AKAP6: variants seen among roughly 807,000 people sequenced by gnomAD.
AKAP6 encodes A-kinase anchor protein 6.
AKAP6 carries 58 observed loss-of-function variants against 188.5 expected under a neutral mutation model. That is an observed-to-expected ratio of 0.31 (90% confidence interval 0.25 to 0.38). AKAP6 has a LOEUF of 0.38. AKAP6 is among the 10% of genes least tolerant of loss of function. The probability of loss-of-function intolerance (pLI) is 1.00; values close to 1 mark genes in which losing one functional copy is unlikely to be tolerated. For missense variants in AKAP6, 2,710 were observed against 2,740.0 expected, an observed-to-expected ratio of 0.99 and a Z score of 0.24; for synonymous variants, 989 against 998.6, an observed-to-expected ratio of 0.99 and a Z score of 0.18.
intron 4 of AKAP6, among the ~76,000 whole-genome samples, chr14:32,574,733 T>C (rs1884646867): frequency 6.6e-6 from 1 of 152,196 alleles, no homozygotes; most frequent in Non-Finnish European, 1.5e-5. Context: ...CTAAATACAA[T>C]AGTAAAAACT....
Position 32,667,427 on chromosome 14 carries a change from G to A in AKAP6, c.2731-10884G>A, listed in dbSNP as rs1343016333. Among the ~76,000 whole-genome samples, 9 of 151,976 alleles carry A rather than the reference G, an allele frequency of 5.9e-5. 1 individual carries two copies. Among genetic ancestry groups the A allele is most frequent in the Non-Finnish European group, 1.3e-4 (9 of 67,956 alleles). On this transcript the variant is annotated intron_variant, in intron 7 of 13. Transcript: ENST00000280979. ...ATGCCACCTGAGACATCTTGTTCAG[G>A]AACTTTCTGGAGGGTAGTAAATTGG... is the stretch of plus-strand genomic sequence containing the variant.
At position 32,678,463 on chromosome 14, in the gene AKAP6, G is replaced by A; in HGVS notation, c.2879+4G>A. On this transcript the variant is annotated splice_donor_region_variant and intron_variant, in intron 8 of 13. Coordinates refer to ENST00000280979, the MANE Select transcript of AKAP6 (RefSeq NM_004274.5). ...TTCATTCAGTGGGAAGCAATGGGTA[G>A]GGAACTATTCTTTTTGTTGTTTTAT... The A allele has an allele frequency of 6.2e-7, 1 of 1,613,700 alleles. No homozygotes were observed. The highest frequency in any genetic ancestry group is 8.5e-7 in the Non-Finnish European group (1 of 1,179,762).
intron 7 of AKAP6, among the ~76,000 whole-genome samples, chr14:32,659,363 G>C (rs1044949919): frequency 6.6e-6 from 1 of 151,978 alleles, no homozygotes; most frequent in Non-Finnish European, 1.5e-5. Context: ...TCCTCTTTTG[G>C]TCCTAGATTT....
chr14:32,600,854 A>G (rs2139351530), intron 7 of AKAP6, 62 bp downstream of exon 7: 3 of 1,479,550 alleles, frequency 2.0e-6, no homozygotes, highest in East Asian at 4.8e-5. Context: ...ACTAGGCACC[A>G]CTGAAGTTTT....
chr14:32,367,143 G>A (rs1887861926), intron 1 of AKAP6, among the ~76,000 whole-genome samples: 1 of 152,278 alleles, frequency 6.6e-6, no homozygotes, highest in South Asian at 2.1e-4. Flanking sequence ...GAATGAAAGA[G>A]TCCCACCCAC....
chr14:32,606,039 C>A (rs959767563), intron 7 of AKAP6, among the ~76,000 whole-genome samples: 2 of 152,126 alleles, frequency 1.3e-5, no homozygotes, highest in Admixed American at 6.6e-5. Context: ...TAGGACTCAG[C>A]AGCATACCTT....
chr14:32,359,310 G>C (rs1050180900), intron 1 of AKAP6, among the ~76,000 whole-genome samples: 3 of 151,784 alleles, frequency 2.0e-5, no homozygotes, highest in Non-Finnish European at 4.4e-5. Context: ...AGAAAAACAT[G>C]CTCAATTTAA....
chr14:32,629,402 G>A (rs1253661612), intron 7 of AKAP6, among the ~76,000 whole-genome samples: 1 of 137,352 alleles, frequency 7.3e-6, no homozygotes, highest in Non-Finnish European at 1.5e-5. Context: ...TTGCTGAAGT[G>A]CGAGTTTCTC....
chr14:32,346,623 C>G (rs1016396169), intron 1 of AKAP6, among the ~76,000 whole-genome samples: 1 of 152,246 alleles, frequency 6.6e-6, no homozygotes, highest in Non-Finnish European at 1.5e-5. Context: ...ATTCTCCTGC[C>G]TCAGCCTCCC....
intron 2 of AKAP6, among the ~76,000 whole-genome samples, chr14:32,460,405 G>A (rs148778788): frequency 2.0e-5 from 3 of 152,304 alleles, no homozygotes; most frequent in Non-Finnish European, 2.9e-5. Context: ...ACTGGGGCTG[G>A]TTAGGTAGTG....
intron 7 of AKAP6, among the ~76,000 whole-genome samples, chr14:32,612,693 G>A (rs1447237488): frequency 6.6e-6 from 1 of 152,088 alleles, no homozygotes; most frequent in Admixed American, 6.6e-5. Flanking sequence ...CTTCCTTGAG[G>A]CAGGTCTAGT....
chr14:32,500,068 G>A (rs1027122611), intron 2 of AKAP6, among the ~76,000 whole-genome samples: 5 of 152,048 alleles, frequency 3.3e-5, no homozygotes, highest in African/African-American at 1.2e-4. Flanking sequence ...CTCAGATTTT[G>A]ATTCTTTTTT....
At chr14:32,672,912 T>G (rs1889272492) in intron 7 of AKAP6, among the ~76,000 whole-genome samples, 1 of 152,160 alleles carries the variant, frequency 6.6e-6, no homozygotes, top group Non-Finnish European at 1.5e-5. Flanking sequence ...AAAAGAGAGA[T>G]AGAGGAAGAT....
At position 32,824,268 on chromosome 14, in the gene AKAP6, T is replaced by C. The variant is rs377177055; in HGVS notation, c.6455T>C (p.Ile2152Thr). Residue 2152 changes from isoleucine (I) to threonine (T), a missense_variant, in exon 13 of 14, where the codon ATT (isoleucine) becomes ACT (threonine). Ile to Thr is a moderately conservative substitution (Grantham distance 89). Transcript: ENST00000280979. ...TDSGLDDKED[I>T]ECFFEACVEG... is the part of the protein sequence containing the mutation. ...TCGGGCTTAGATGACAAGGAAGATATTGAATGCTTTTTTGAGGCCTGTGTT... is the reference window on the plus strand; with the variant it reads ...TCGGGCTTAGATGACAAGGAAGATACTGAATGCTTTTTTGAGGCCTGTGTT... 11 of 1,613,788 alleles carry C rather than the reference T, an allele frequency of 6.8e-6. No individual in the cohort carries two copies. The African/African-American group carries it at 9.3e-5, about 14-fold the overall frequency.
intron 12 of AKAP6, among the ~76,000 whole-genome samples, 161 bp from the exon 13 acceptor site, chr14:32,821,241 T>A (rs146641797): frequency 1.1e-4 from 17 of 152,320 alleles, no homozygotes; most frequent in African/African-American, 3.8e-4. Context: ...AATTTCTGGG[T>A]GTTATTTCAG....
intron 5 of AKAP6, among the ~76,000 whole-genome samples, chr14:32,587,088 G>A (rs1230219897): frequency 1.3e-5 from 2 of 152,148 alleles, no homozygotes; most frequent in Non-Finnish European, 2.9e-5. Context: ...GTTACAGATG[G>A]CATCTTACTG....
rs10138956 is a variant in AKAP6, at chr14:32,517,478, G to A, written c.325-18076G>A. Among the ~76,000 whole-genome samples, 1,378 of 152,112 alleles carry A rather than the reference G, an allele frequency of 9.1e-3. 20 individuals carry two copies. The highest frequency in any genetic ancestry group is 0.029 in the African/African-American group (1,207 of 41,534). On this transcript the variant is annotated intron_variant, in intron 2 of 13. Coordinates refer to ENST00000280979, the MANE Select transcript of AKAP6 (RefSeq NM_004274.5). ...TATGGAGTGTGAGCCAAAGCAGGGCGGGGCATCACCTCACCCTAATAGCTG... is the reference window on the plus strand; with the variant it reads ...TATGGAGTGTGAGCCAAAGCAGGGCAGGGCATCACCTCACCCTAATAGCTG...
intron 12 of AKAP6, among the ~76,000 whole-genome samples, chr14:32,819,109 C>A (rs2034457281): frequency 6.6e-6 from 1 of 152,110 alleles, no homozygotes; most frequent in African/African-American, 2.4e-5. Context: ...TGAATGTACT[C>A]CGTACCTAAG....
At position 32,485,738 on chromosome 14, in the gene AKAP6, C is replaced by T. The variant is rs186829637; in HGVS notation, c.325-49816C>T. Reference sequence around the variant, plus strand: ...AGCCCTTTGTCAGATGGATAGATTGCAAAATTTTTCTCCCATTCTGTAGGT... The same window carrying T: ...AGCCCTTTGTCAGATGGATAGATTGTAAAATTTTTCTCCCATTCTGTAGGT... On this transcript the variant is annotated intron_variant, in intron 2 of 13. Transcript: ENST00000280979. Among the ~76,000 whole-genome samples, 167 of 152,164 alleles carry T rather than the reference C, an allele frequency of 1.1e-3. 4 individuals are homozygous for T. In the East Asian group the frequency reaches 0.026, roughly 24 times the overall value.
Sources: gnomAD v4.1 joint callset for allele counts (sites outside exome capture counted in the v4.1 genomes callset) on GRCh38, gnomAD v4.1.1 for gene constraint, MANE v1.5 for transcripts, NCBI Gene and HGNC (gene_info 2026-07-23, HGNC 2026-07-21) for gene names.